Variants in USP50 observed in about 807,000 individuals in gnomAD.
USP50 encodes the protein ubiquitin carboxyl-terminal hydrolase 50.
In USP50, 37 loss-of-function variants were observed where a neutral mutation model predicts 39.2. The observed-to-expected ratio is 0.94, with a 90% CI of 0.73 to 1.24. The LOEUF (loss-of-function observed/expected upper bound fraction) is 1.24. Among genes scored for constraint, USP50 ranks in the 50% most tolerant of loss-of-function variants. USP50 has a pLI of 0.00. For missense variants in USP50, 374 were observed against 398.2 expected (o/e 0.94, Z 0.52); for synonymous variants, 139 against 144.5 (o/e 0.96, Z 0.27).
intron 6 of USP50, chr15:50,510,498 A>G (rs2052722105): frequency 6.6e-6 from 1 of 152,070 alleles, no homozygotes; most frequent in African/African-American, 2.4e-5. Context: ...GTGACAATTG[A>G]TATTTGAATA....
chr15:50,524,361 G>A (rs2052872299), intron 6 of USP50, among the ~76,000 whole-genome samples: 2 of 152,154 alleles, frequency 1.3e-5, no homozygotes, highest in South Asian at 4.1e-4. Context: ...GAAAATATTT[G>A]CAAACCATAC....
downstream of USP50, chr15:50,499,111 T>C (rs1566896113): frequency 1.3e-6 from 2 of 1,557,510 alleles, no homozygotes; most frequent in East Asian, 2.3e-5. Flanking sequence ...TATAAACTAG[T>C]TATCTTTTAA....
At chr15:50,540,998 C>T (rs909536063) in intron 4 of USP50, 51 bp downstream of exon 4, 14 of 1,422,022 alleles carry the variant, frequency 9.8e-6, no homozygotes, top group Middle Eastern at 1.8e-4. Flanking sequence ...CGAGAAAATC[C>T]GGGGCTGAGA....
At chr15:50,502,033 A>G (rs2052597573) in intron 6 of USP50, 1 of 152,232 alleles carries the variant, frequency 6.6e-6, no homozygotes, top group Non-Finnish European at 1.5e-5. Context: ...GAGGCCTAAA[A>G]TATTTACTGT....
chr15:50,493,876 AAAG>A (rs751730376), downstream of USP50: 25 of 759,354 alleles, frequency 3.3e-5, no homozygotes, highest in Middle Eastern at 4.9e-4. Context: ...CTTGCAGCCA[AAAG>A]AAGGAAGCTG....
downstream of USP50, chr15:50,497,621 T>C (rs2052468652): frequency 6.5e-6 from 1 of 153,066 alleles, no homozygotes; most frequent in African/African-American, 2.4e-5. Flanking sequence ...ATTTTAATGA[T>C]AAAATATGTT....
At chr15:50,532,045 G>T (rs1320475469) in intron 5 of USP50, 1 of 446,030 alleles carries the variant, frequency 2.2e-6, no homozygotes, top group African/African-American at 2.0e-5. Flanking sequence ...AACCTCTGAG[G>T]GAACAGGTCT....
At chr15:50,496,177 A>T (rs909531935), downstream of USP50, 2 of 1,094,558 alleles carry the variant, frequency 1.8e-6, no homozygotes, top group Non-Finnish European at 2.6e-6. Context: ...TTACCCTTAC[A>T]AACATTTTAT....
intron 2 of USP50, 103 bp downstream of exon 2, chr15:50,544,484 T>A: frequency 8.8e-7 from 1 of 1,137,004 alleles, no homozygotes; most frequent in South Asian, 1.7e-5. Flanking sequence ...TCTACTGACT[T>A]GTTTGTTTAT....
chr15:50,526,421 G>C (rs1566908008), intron 6 of USP50, among the ~76,000 whole-genome samples: 1 of 152,120 alleles, frequency 6.6e-6, no homozygotes, highest in African/African-American at 2.4e-5. Context: ...TCAGATTCCT[G>C]TGCCTGAAGT....
At chr15:50,493,120 C>A, downstream of USP50, 1 of 646,582 alleles carries the variant, frequency 1.5e-6, no homozygotes, top group Non-Finnish European at 2.8e-6. Context: ...TTGCTGCATC[C>A]TCACAGGGTA....
At chr15:50,501,024 C>T in intron 6 of USP50, 187 bp from the exon 7 acceptor site, 2 of 551,950 alleles carry the variant, frequency 3.6e-6, no homozygotes, top group East Asian at 3.1e-5. Flanking sequence ...ATTGTAACTA[C>T]TTATATGTTG....
chr15:50,519,538 C>T (rs1408731297), intron 6 of USP50, among the ~76,000 whole-genome samples: 3 of 151,986 alleles, frequency 2.0e-5, no homozygotes, highest in Non-Finnish European at 4.4e-5. Context: ...CCCGGTGAAA[C>T]CCCGTCTCTA....
chr15:50,545,264 T>C (rs2141383272), intron 1 of USP50, among the ~76,000 whole-genome samples: 1 of 152,162 alleles, frequency 6.6e-6, no homozygotes, highest in South Asian at 2.1e-4. Flanking sequence ...AGCTATCAGG[T>C]AGTGAGCCTG....
intron 5 of USP50, among the ~76,000 whole-genome samples, chr15:50,532,479 C>G (rs1026929036): frequency 6.6e-6 from 1 of 152,048 alleles, no homozygotes. Flanking sequence ...ATTAAAAGAC[C>G]GAGACCCACT....
chr15:50,494,091 A>T, exon 2 of USP50: 1 of 1,608,378 alleles, frequency 6.2e-7, no homozygotes, highest in Non-Finnish European at 8.5e-7. Flanking sequence ...TGGGGCATAA[A>T]GGTGAAGTGG....
downstream of USP50, chr15:50,497,161 G>A (rs1475214003): frequency 6.2e-7 from 1 of 1,610,666 alleles, no homozygotes; most frequent in Admixed American, 1.7e-5. Context: ...TCATTGCAGA[G>A]CTCGACGGGA....
Position 50,529,842 on chromosome 15 carries a change from G to A in USP50, c.891C>T (p.Cys297=). Residue 297 remains cysteine, a synonymous_variant, in exon 6 of 7, where the codon TGC becomes TGT. Transcript: ENST00000532404. Reference sequence around the variant, plus strand: ...ATTTAGGATATTTCCGGAAAATTGAGCAAATATAAGGAGTGAGGTCCAAGT... The same window carrying A: ...ATTTAGGATATTTCCGGAAAATTGAACAAATATAAGGAGTGAGGTCCAAGT... ...LTNLDLTPYI[C]SIFRKYPKYN... is the part of the protein sequence containing the mutation. 1.2e-6 allele frequency: 2 copies of A among 1,613,908 alleles called. No homozygotes were observed. The highest frequency in any genetic ancestry group is 1.7e-6 in the Non-Finnish European group (2 of 1,179,860).
intron 2 of USP50, 97 bp downstream of exon 2, chr15:50,544,490 T>C (rs2053055888): frequency 1.2e-5 from 15 of 1,213,442 alleles, no homozygotes; most frequent in Non-Finnish European, 1.6e-5. Flanking sequence ...GACTTGTTTG[T>C]TTATCTCTTA....
Sources: gnomAD v4.1 joint callset for allele counts (sites outside exome capture counted in the v4.1 genomes callset) on GRCh38, gnomAD v4.1.1 for gene constraint, MANE v1.5 for transcripts, NCBI Gene and HGNC (gene_info 2026-07-23, HGNC 2026-07-21) for gene names.